Variants in ADAMTSL1 observed in about 807,000 individuals in gnomAD.
The protein encoded by ADAMTSL1 is ADAMTS like 1, also known as ADAMTS-like protein 1.
A neutral mutation model predicts 201.8 loss-of-function variants in ADAMTSL1; 126 were observed. The ratio of observed to expected loss-of-function variants is 0.62; its 90% confidence interval spans 0.54 to 0.72. ADAMTSL1 has a LOEUF of 0.72. ADAMTSL1 is among the 30% of genes least tolerant of loss of function. The pLI is 0.00. For synonymous variants in ADAMTSL1, 1,121 were observed against 903.4 expected (o/e 1.24, Z -4.32); for missense variants, 2,679 against 2,277.8 (o/e 1.18, Z -3.59).
intron 1 of ADAMTSL1, among the ~76,000 whole-genome samples, chr9:17,965,858 G>C (rs1251705411): frequency 6.6e-6 from 1 of 151,970 alleles, no homozygotes; most frequent in African/African-American, 2.4e-5. Flanking sequence ...TGGGCGATGG[G>C]ATTCTACATC....
At chr9:18,605,337 C>G (rs940057051) in intron 4 of ADAMTSL1, among the ~76,000 whole-genome samples, 2 of 152,178 alleles carry the variant, frequency 1.3e-5, no homozygotes, top group African/African-American at 4.8e-5. Context: ...ACAAAATGAG[C>G]CTTTTTTCCC....
At chr9:17,930,742 C>A (rs570593259) in intron 1 of ADAMTSL1, among the ~76,000 whole-genome samples, 3 of 152,284 alleles carry the variant, frequency 2.0e-5, no homozygotes, top group Admixed American at 2.0e-4. Flanking sequence ...TCATTTTCAA[C>A]ATTGTAAGGT....
intron 1 of ADAMTSL1, among the ~76,000 whole-genome samples, chr9:18,156,816 G>A (rs1422988495): frequency 6.6e-6 from 1 of 152,006 alleles, no homozygotes; most frequent in East Asian, 1.9e-4. Flanking sequence ...GCTGTTATCA[G>A]CAATGCTTTC....
In ADAMTSL1 at chr9:18,614,056, G is replaced by A. The variant is rs548620222; in HGVS notation, c.475-8187G>A. ...TGTTACAGCCAGAGGTAGCAACTCA[G>A]GGCTGTCCTAAGATGAGAAAGTGTT... On this transcript the variant is annotated intron_variant, in intron 4 of 28. Transcript: ENST00000380548. 9.2e-5 allele frequency among the ~76,000 whole-genome samples: 14 copies of A among 152,272 alleles called. No individual in the cohort carries two copies. In the South Asian group the frequency reaches 1.7e-3, roughly 18 times the overall value.
intron 19 of ADAMTSL1, among the ~76,000 whole-genome samples, chr9:18,790,679 G>A (rs142764136): frequency 0.012 from 1,822 of 151,988 alleles, 16 homozygotes; most frequent in Non-Finnish European, 0.017. Flanking sequence ...CTCTCGGCTG[G>A]TCCTTAATTT....
At chr9:17,972,247 T>G (rs1818234736) in intron 1 of ADAMTSL1, among the ~76,000 whole-genome samples, 1 of 140,006 alleles carries the variant, frequency 7.1e-6, no homozygotes, top group Non-Finnish European at 1.6e-5. Context: ...TGTGCCATGT[T>G]GGTGTGCTGC....
intron 2 of ADAMTSL1, among the ~76,000 whole-genome samples, chr9:18,171,673 C>T (rs1827896554): frequency 6.6e-6 from 1 of 152,152 alleles, no homozygotes; most frequent in South Asian, 2.1e-4. Flanking sequence ...TGCAGAAGCT[C>T]TTCAGTTTAA....
At chr9:18,593,740 TC>T (rs1183066875) in intron 4 of ADAMTSL1, among the ~76,000 whole-genome samples, 1 of 152,086 alleles carries the variant, frequency 6.6e-6, no homozygotes, top group Non-Finnish European at 1.5e-5. Flanking sequence ...GTTATTAATT[TC>T]TAGTTTTATT....
chr9:18,676,536 A>G (rs761866946), intron 10 of ADAMTSL1, among the ~76,000 whole-genome samples: 2 of 152,124 alleles, frequency 1.3e-5, no homozygotes, highest in Non-Finnish European at 2.9e-5. Flanking sequence ...TAACTCAGGA[A>G]CTTTTAAAAG....
intron 1 of ADAMTSL1, among the ~76,000 whole-genome samples, chr9:18,049,952 C>T (rs1821856116): frequency 6.6e-6 from 1 of 152,070 alleles, no homozygotes. Flanking sequence ...GATAAAAGCA[C>T]CTTCATTTTG....
At chr9:17,923,546 G>A in intron 1 of ADAMTSL1, among the ~76,000 whole-genome samples, 1 of 151,598 alleles carries the variant, frequency 6.6e-6, no homozygotes, top group Admixed American at 6.6e-5. Flanking sequence ...GGGTTTTCTA[G>A]ATATACAATC....
At chr9:18,398,601 C>A (rs543076751) in intron 2 of ADAMTSL1, among the ~76,000 whole-genome samples, 11 of 152,244 alleles carry the variant, frequency 7.2e-5, no homozygotes, top group African/African-American at 2.6e-4. Flanking sequence ...CCCTTGAAAC[C>A]ATGTCTTTCA....
intron 2 of ADAMTSL1, among the ~76,000 whole-genome samples, chr9:18,244,860 T>C (rs1156695453): frequency 6.6e-6 from 1 of 152,196 alleles, no homozygotes; most frequent in Non-Finnish European, 1.5e-5. Context: ...AACCTCATTA[T>C]GGGCAGGAAC....
intron 2 of ADAMTSL1, among the ~76,000 whole-genome samples, chr9:18,398,783 T>C (rs1375052541): frequency 6.6e-6 from 1 of 152,184 alleles, no homozygotes; most frequent in Non-Finnish European, 1.5e-5. Flanking sequence ...TAATCTGATA[T>C]ACAGTAGGAG....
intron 1 of ADAMTSL1, among the ~76,000 whole-genome samples, chr9:17,920,157 T>G (rs1350843697): frequency 6.6e-6 from 1 of 152,194 alleles, no homozygotes; most frequent in African/African-American, 2.4e-5. Context: ...TTAATTTATG[T>G]AACTGTTACT....
In ADAMTSL1 at chr9:18,721,636, G is replaced by T. The variant is rs748031788; in HGVS notation, c.1977G>T (p.Lys659Asn). ...VTSRRPPQLL[K>N]SCNLDPCPAR... ...GCCGCCGGCCCCCACAGCTCCTGAA[G>T]TCCTGCAATTTGGATCCCTGCCCAG... Residue 659 changes from lysine to asparagine, a missense_variant, in exon 15 of 29, where the codon AAG (lysine) becomes AAT (asparagine). Transcript: ENST00000380548. The T allele has an allele frequency of 6.2e-7, 1 of 1,613,970 alleles. No individual in the cohort carries two copies. The highest frequency in any genetic ancestry group is 8.5e-7 in the Non-Finnish European group (1 of 1,179,876).
At chr9:18,221,645 G>T (rs377546064) in intron 2 of ADAMTSL1, among the ~76,000 whole-genome samples, 3 of 151,876 alleles carry the variant, frequency 2.0e-5, no homozygotes, top group Admixed American at 6.6e-5. Context: ...TTAGTTCTAC[G>T]TATTTTCTAA....
chr9:18,047,585 G>A (rs1294219734), intron 1 of ADAMTSL1, among the ~76,000 whole-genome samples: 1 of 152,060 alleles, frequency 6.6e-6, no homozygotes, highest in Non-Finnish European at 1.5e-5. Flanking sequence ...TCTAAAGAGG[G>A]GGCATTTGTT....
intron 23 of ADAMTSL1, among the ~76,000 whole-genome samples, chr9:18,883,305 C>T (rs373146899): frequency 6.6e-6 from 1 of 152,142 alleles, no homozygotes; most frequent in African/African-American, 2.4e-5. Context: ...TTGGGATCAT[C>T]AGGCCAGTCC....
Sources: gnomAD v4.1 joint callset for allele counts (sites outside exome capture counted in the v4.1 genomes callset) on GRCh38, gnomAD v4.1.1 for gene constraint, MANE v1.5 for transcripts, NCBI Gene and HGNC (gene_info 2026-07-23, HGNC 2026-07-21) for gene names.